Variants in PTPRE observed in about 807,000 individuals in gnomAD.
PTPRE encodes the protein protein tyrosine phosphatase receptor type E.
Under a neutral mutation model 102.0 loss-of-function variants are expected in PTPRE, and 51 were observed. That is an observed-to-expected ratio of 0.50 (90% confidence interval 0.40 to 0.63). The LOEUF is 0.63. Among genes scored for constraint, PTPRE ranks in the 30% least tolerant of loss-of-function variants. The pLI is 0.00. For missense variants in PTPRE, 752 were observed against 915.1 expected (o/e 0.82, Z 2.30); for synonymous variants, 345 against 348.2 (o/e 0.99, Z 0.10).
At chr10:127,976,259 G>A (rs751382391) in intron 1 of PTPRE, among the ~76,000 whole-genome samples, 16 of 152,166 alleles carry the variant, frequency 1.1e-4, no homozygotes, top group Non-Finnish European at 8.8e-5. Context: ...CCTACACCTC[G>A]GAAGGGAGCC....
At position 127,944,031 on chromosome 10, in the gene PTPRE, A is replaced by G. The variant is rs574078372; in HGVS notation, c.-31+36722A>G. On this transcript the variant is annotated intron_variant, in intron 1 of 20. Coordinates refer to ENST00000254667, the MANE Select transcript of PTPRE (RefSeq NM_006504.6). This position sits in a 1 kb window ranked among gnomAD's most constrained non-coding sequence, Gnocchi z 4.2. Reference sequence around the variant, plus strand: ...CCAACAAGTGGGGCATTTGTGCACGACAGAACCTAAGGGCACACAAAGTTG... The same window carrying G: ...CCAACAAGTGGGGCATTTGTGCACGGCAGAACCTAAGGGCACACAAAGTTG... Among the ~76,000 whole-genome samples, 2 of 152,316 alleles carry G rather than the reference A, an allele frequency of 1.3e-5. No individual in the cohort carries two copies. The highest frequency in any genetic ancestry group is 4.1e-4 in the South Asian group (2 of 4,826).
intron 1 of PTPRE, among the ~76,000 whole-genome samples, chr10:127,920,349 C>T (rs1846506518): frequency 6.6e-6 from 1 of 152,166 alleles, no homozygotes; most frequent in Non-Finnish European, 1.5e-5. Flanking sequence ...TGCTTTGGGT[C>T]TGGCTGAGGG....
At chr10:128,029,455 C>CT (rs1846546717) in intron 2 of PTPRE, among the ~76,000 whole-genome samples, 1 of 152,160 alleles carries the variant, frequency 6.6e-6, no homozygotes, top group African/African-American at 2.4e-5. Flanking sequence ...ACAATTGACC[C>CT]TCTCAGCCCA....
chr10:127,938,159 C>G (rs781696834), intron 1 of PTPRE, among the ~76,000 whole-genome samples: 55 of 152,134 alleles, frequency 3.6e-4, no homozygotes, highest in Non-Finnish European at 5.3e-4. Flanking sequence ...GACCCAGTTT[C>G]TTTCCTGTGA....
intron 2 of PTPRE, among the ~76,000 whole-genome samples, chr10:127,990,411 CAAAAA>C (rs60034358): frequency 5.0e-4 from 33 of 65,732 alleles, no homozygotes; most frequent in Middle Eastern, 8.5e-3. Context: ...GACTCCACCT[CAAAAA>C]AAAAAAAAAA....
At chr10:127,964,653 G>A (rs114784143) in intron 1 of PTPRE, among the ~76,000 whole-genome samples, 2,766 of 151,256 alleles carry the variant, frequency 0.018, 92 homozygotes, top group African/African-American at 0.064. Flanking sequence ...CACTGTCTCC[G>A]AAACTCTTCA....
At chr10:127,982,328 G>T (rs771149903) in intron 2 of PTPRE, 32 bp downstream of exon 2, 12 of 1,174,862 alleles carry the variant, frequency 1.0e-5, no homozygotes, top group Admixed American at 2.6e-5. Context: ...AATTATTTTT[G>T]ATGTACAGAT....
Position 128,063,147 on chromosome 10 carries a change from C to A in PTPRE, c.690C>A (p.Ile230=). 6.2e-7 allele frequency: 1 copy of A among 1,614,204 alleles called. No individual in the cohort carries two copies. Residue 230 remains isoleucine (I), a synonymous_variant, in exon 10 of 21, where the codon ATC becomes ATA. Transcript: ENST00000254667. ...RMVWEQKSAT[I]VMLTNLKERK... is the part of the protein sequence containing the mutation. ...TCTGGGAGCAAAAGTCTGCGACCATCGTCATGTTAACAAACTTGAAAGAAA... is the reference window on the plus strand; with the variant it reads ...TCTGGGAGCAAAAGTCTGCGACCATAGTCATGTTAACAAACTTGAAAGAAA...
chr10:128,023,911 T>C lies in PTPRE; in HGVS notation c.-7-16964T>C, dbSNP rs193131093. Among the ~76,000 whole-genome samples, 318 of 152,392 alleles carry C rather than the reference T, an allele frequency of 2.1e-3. 1 individual carries two copies. The highest frequency in any genetic ancestry group is 7.2e-3 in the African/African-American group (298 of 41,594). The stretch of plus-strand genomic sequence containing the variant: ...CCAAAGACTATCCCAAACACAATTA[T>C]CTTGTCACTGCTTAGGTGGCAATTT... On this transcript the variant is annotated intron_variant, in intron 2 of 20. Transcript: ENST00000254667.
At chr10:127,975,168 G>A (rs1346119098) in intron 1 of PTPRE, among the ~76,000 whole-genome samples, 1 of 152,114 alleles carries the variant, frequency 6.6e-6, no homozygotes. Context: ...GGGAAGCAGG[G>A]GGACTGTGCT....
chr10:127,927,818 G>A (rs1235328113), intron 1 of PTPRE, among the ~76,000 whole-genome samples: 3 of 152,204 alleles, frequency 2.0e-5, no homozygotes, highest in Admixed American at 1.3e-4. Flanking sequence ...TGATTTGATT[G>A]TACTTTTAAA....
At chr10:127,963,062 G>A (rs1306147551) in intron 1 of PTPRE, among the ~76,000 whole-genome samples, 2 of 152,192 alleles carry the variant, frequency 1.3e-5, no homozygotes, top group African/African-American at 4.8e-5. Flanking sequence ...CAGGAAAGAT[G>A]TGCCTCTGAG....
In PTPRE at chr10:128,082,878, T is replaced by G. The variant is rs773016350; in HGVS notation, c.2075T>G (p.Ile692Arg). Residue 692 changes from isoleucine to arginine, a missense_variant, in exon 21 of 21, where the codon ATA (isoleucine) becomes AGA (arginine). This residue lies in a region of PTPRE where 636 missense variants were observed against 824.4 expected (regional missense o/e 0.77). Transcript: ENST00000254667. ...CYKVVQDFID[I>R]FSDYANFK ...AAAGTGGTACAAGATTTTATTGATA[T>G]ATTTTCTGATTATGCTAATTTCAAA... The G allele has an allele frequency of 1.9e-6, 3 of 1,555,338 alleles. No homozygotes were observed. Among genetic ancestry groups the G allele is most frequent in the Non-Finnish European group, 2.6e-6 (3 of 1,159,866 alleles).
At chr10:127,943,228 G>A (rs535692543) in intron 1 of PTPRE, among the ~76,000 whole-genome samples, 7 of 152,328 alleles carry the variant, frequency 4.6e-5, no homozygotes, top group African/African-American at 7.2e-5. Context: ...GTTTTTCTGA[G>A]CGTCACAGTG....
intron 1 of PTPRE, among the ~76,000 whole-genome samples, chr10:127,909,852 C>T (rs1272377789): frequency 6.6e-6 from 1 of 152,114 alleles, no homozygotes; most frequent in Non-Finnish European, 1.5e-5. Context: ...GATAGGCAGC[C>T]ACACATTTTT....
chr10:127,942,870 T>C (rs1444104065), intron 1 of PTPRE, among the ~76,000 whole-genome samples: 3 of 152,216 alleles, frequency 2.0e-5, no homozygotes, highest in Non-Finnish European at 4.4e-5. Flanking sequence ...AAATGTTCAA[T>C]TTCATTTTAC....
At chr10:127,917,192 G>A (rs1009369122) in intron 1 of PTPRE, among the ~76,000 whole-genome samples, 3 of 151,540 alleles carry the variant, frequency 2.0e-5, no homozygotes, top group Non-Finnish European at 4.4e-5. Context: ...ACAGGCTTAC[G>A]AGATGATGGT....
chr10:127,936,045 G>A (rs1274172173), intron 1 of PTPRE: 1 of 152,214 alleles, frequency 6.6e-6, no homozygotes, highest in Non-Finnish European at 1.5e-5. Flanking sequence ...TCACGGCAAA[G>A]CATTCTGCAT....
At chr10:127,986,121 A>T (rs183714139) in intron 2 of PTPRE, among the ~76,000 whole-genome samples, 1 of 152,278 alleles carries the variant, frequency 6.6e-6, no homozygotes, top group Admixed American at 6.5e-5. Flanking sequence ...CATCCAAAAA[A>T]ATGAGTCAAG....
Sources: gnomAD v4.1 joint callset for allele counts (sites outside exome capture counted in the v4.1 genomes callset) on GRCh38, gnomAD v4.1.1 for gene constraint, gnomAD v4.1.1 regional missense constraint, Gnocchi (gnomAD v3.1) non-coding constraint, MANE v1.5 for transcripts, NCBI Gene and HGNC (gene_info 2026-07-23, HGNC 2026-07-21) for gene names.